YARS2: variants seen among roughly 807,000 people sequenced by gnomAD.
The protein encoded by YARS2 is tyrosyl-tRNA synthetase 2.
A neutral mutation model predicts 45.0 loss-of-function variants in YARS2; 38 were observed. The observed-to-expected ratio is 0.84, with a 90% CI of 0.65 to 1.11. YARS2 has a LOEUF of 1.11. YARS2 is among the 50% of genes least tolerant of loss of function. YARS2 has a pLI of 0.00. For synonymous variants in YARS2, 287 were observed against 245.1 expected, an observed-to-expected ratio of 1.17 and a Z score of -1.60; for missense variants, 602 against 599.8, an observed-to-expected ratio of 1.00 and a Z score of -0.04.
chr12:32,754,335 G>C (rs1198210675), intron 1 of YARS2, among the ~76,000 whole-genome samples: 2 of 152,178 alleles, frequency 1.3e-5, no homozygotes, highest in African/African-American at 4.8e-5. Context: ...TAGAGATTTT[G>C]AAAGGCTGAG....
Position 32,755,553 on chromosome 12 carries a change from C to A in YARS2, c.322G>T (p.Val108Leu). ...LFHLQRAGHN[V>L]IALVGGATAR... Reference sequence around the variant, plus strand: ...GTGGCGCCTCCCACCAGCGCGATCACGTTGTGGCCCGCTCGCTGCAAATGA... The same window carrying A: ...GTGGCGCCTCCCACCAGCGCGATCAAGTTGTGGCCCGCTCGCTGCAAATGA... The change falls in exon 1 of 5, where the codon GTG (valine) becomes TTG (leucine). Residue 108 changes from valine (V) to leucine (L), a missense_variant. Transcript: ENST00000324868. 1.2e-6 allele frequency: 2 copies of A among 1,613,694 alleles called. No individual in the cohort carries two copies. The highest frequency in any genetic ancestry group is 8.5e-7 in the Non-Finnish European group (1 of 1,179,878).
chr12:32,753,455 A>G (rs1003593448), intron 2 of YARS2, among the ~76,000 whole-genome samples: 9 of 152,144 alleles, frequency 5.9e-5, no homozygotes, highest in Non-Finnish European at 1.2e-4. Context: ...GCATCAAAAT[A>G]TTTTTTTCAC....
In YARS2 at chr12:32,755,892, G is replaced by A. The variant is rs1955839112; in HGVS notation, c.-18C>T. On this transcript the variant is annotated 5_prime_UTR_variant, in exon 1 of 5. Coordinates refer to ENST00000324868, the MANE Select transcript of YARS2 (RefSeq NM_001040436.3). ...GCCGCCATCTTGGTAGCGGCACGAA[G>A]GGAATGCTGGGATTGCAGAGGCTCC... is the stretch of plus-strand genomic sequence containing the variant. 2.5e-6 allele frequency: 4 copies of A among 1,612,182 alleles called. No homozygotes were observed. The highest frequency in any genetic ancestry group is 2.5e-6 in the Non-Finnish European group (3 of 1,179,890).
chr12:32,749,972 G>C lies in YARS2; in HGVS notation c.1239C>G (p.Cys413Trp). 1.9e-6 allele frequency: 3 copies of C among 1,614,090 alleles called. No homozygotes were observed. The highest frequency in any genetic ancestry group is 2.5e-6 in the Non-Finnish European group (3 of 1,180,006). ...CATCTGGAATGGCATTTGCTTTGCGGCAAGTATCTAGGACACTTGTTCCAG... is the reference window on the plus strand; with the variant it reads ...CATCTGGAATGGCATTTGCTTTGCGCCAAGTATCTAGGACACTTGTTCCAG... ...LDPGTSVLDT[C>W]RKANAIPDGP... The change falls in exon 4 of 5, where the codon TGC becomes TGG. Residue 413 changes from cysteine (C) to tryptophan (W), a missense_variant. Coordinates refer to ENST00000324868, the MANE Select transcript of YARS2 (RefSeq NM_001040436.3).
In YARS2 at chr12:32,750,108, C is replaced by T. The variant is rs994538891; in HGVS notation, c.1104-1G>A. 9 of 1,613,970 alleles carry T rather than the reference C, an allele frequency of 5.6e-6. No individual in the cohort carries two copies. The highest frequency in any genetic ancestry group is 7.6e-6 in the Non-Finnish European group (9 of 1,179,976). On this transcript the variant is annotated splice_acceptor_variant, in intron 3 of 4. Coordinates refer to ENST00000324868, the MANE Select transcript of YARS2 (RefSeq NM_001040436.3). LOFTEE classifies it high-confidence loss of function. ...ACTGTGATAAAGGGCTTGTGTACAC[C>T]TGAAAAACACATTTTAAGAGCTACA...
chr12:32,754,132 G>A, intron 1 of YARS2, 47 bp from the exon 2 acceptor site: 1 of 1,608,870 alleles, frequency 6.2e-7, no homozygotes, highest in African/African-American at 1.3e-5. Context: ...CACAAGTGGT[G>A]GTAGGTTCTA....
At position 32,746,547 on chromosome 12, in the gene YARS2, G is replaced by C. The variant is rs1395176830; in HGVS notation, c.*657C>G. ...TCCTTTTTTTTTTTTTTTTTTTTGA[G>C]ACAGAGTTTCACTCACTACTCATGC... On this transcript the variant is annotated 3_prime_UTR_variant, in exon 5 of 5. Coordinates refer to ENST00000324868, the MANE Select transcript of YARS2 (RefSeq NM_001040436.3). 1 of 128,974 alleles carries C rather than the reference G, an allele frequency of 7.8e-6. No individual in the cohort carries two copies. Among genetic ancestry groups the C allele is most frequent in the Middle Eastern group, 4.3e-3 (1 of 234 alleles). 8.0% of individuals were successfully genotyped at this position (128,974 alleles called of 1,614,324 possible).
intron 3 of YARS2, 139 bp from the exon 4 acceptor site, chr12:32,750,246 G>A (rs956164426): frequency 2.0e-6 from 2 of 1,004,002 alleles, no homozygotes; most frequent in East Asian, 2.7e-5. Flanking sequence ...CTGTTGCCCC[G>A]GCTGGATTGC....
chr12:32,754,967 C>A (rs76325735), intron 1 of YARS2, 129 bp downstream of exon 1: 33 of 1,182,628 alleles, frequency 2.8e-5, no homozygotes, highest in Non-Finnish European at 3.4e-5. Context: ...CATTATAGAG[C>A]CTTAATGGGG....
At position 32,749,877 on chromosome 12, in the gene YARS2, T is replaced by C. The variant is rs1955705321; in HGVS notation, c.1274+60A>G. ...CAGGCATGAGCCACTTCTCCTGGCC[T>C]TGTGAACTGTAACATTTAATGGTGA... is the stretch of plus-strand genomic sequence containing the variant. On this transcript the variant is annotated intron_variant, in intron 4 of 4. Transcript: ENST00000324868. The C allele has an allele frequency of 7.5e-6, 12 of 1,601,942 alleles. No homozygotes were observed. In the South Asian group the frequency reaches 1.3e-4, roughly 18 times the overall value.
intron 1 of YARS2, 90 bp downstream of exon 1, chr12:32,755,006 G>A (rs1955819940): frequency 1.3e-6 from 2 of 1,535,334 alleles, no homozygotes; most frequent in Admixed American, 1.7e-5. Flanking sequence ...GGAACGAAGG[G>A]CAGCAACTAC....
chr12:32,752,470 C>G (rs1166214304), intron 2 of YARS2, among the ~76,000 whole-genome samples: 1 of 152,068 alleles, frequency 6.6e-6, no homozygotes, highest in African/African-American at 2.4e-5. Context: ...TCTAAATTCT[C>G]TAGGCCGGGT....
intron 2 of YARS2, among the ~76,000 whole-genome samples, chr12:32,752,455 G>C (rs1378389512): frequency 2.0e-5 from 3 of 151,998 alleles, no homozygotes; most frequent in Non-Finnish European, 2.9e-5. Context: ...TTTTTGAAAA[G>C]ATTATCTAAA....
chr12:32,747,874 G>A (rs754654042), intron 4 of YARS2, among the ~76,000 whole-genome samples: 5 of 151,846 alleles, frequency 3.3e-5, no homozygotes, highest in Non-Finnish European at 7.4e-5. Flanking sequence ...TAAAGACTCC[G>A]TCTCAAGAAA....
rs1565557401 is a variant in YARS2, at chr12:32,749,923, T to A, written c.1274+14A>T. The stretch of plus-strand genomic sequence containing the variant: ...GGTGAATTAACTGTAAATCTAAAAG[T>A]TAAATAATCTTACCCTCGGGGACCA... On this transcript the variant is annotated intron_variant, in intron 4 of 4. Coordinates refer to ENST00000324868, the MANE Select transcript of YARS2 (RefSeq NM_001040436.3). The A allele has an allele frequency of 6.2e-7, 1 of 1,613,908 alleles. No homozygotes were observed. Among genetic ancestry groups the A allele is most frequent in the Non-Finnish European group, 8.5e-7 (1 of 1,179,938 alleles).
chr12:32,755,821 T>G lies in YARS2; in HGVS notation c.54A>C (p.Leu18=), dbSNP rs765542594. Residue 18 remains leucine (L), a synonymous_variant, in exon 1 of 5, where the codon CTA becomes CTC. Coordinates refer to ENST00000324868, the MANE Select transcript of YARS2 (RefSeq NM_001040436.3). ...CCAAGGGCAACAATACTGAGAGATT[T>G]AGGGTACCAGACCACCGGCCCCAGG... ...SFSWGRWSGT[L]NLSVLLPLGL... The G allele has an allele frequency of 3.7e-6, 6 of 1,613,348 alleles. No homozygotes were observed. Among genetic ancestry groups the G allele is most frequent in the Non-Finnish European group, 4.2e-6 (5 of 1,180,026 alleles).
At position 32,752,906 on chromosome 12, in the gene YARS2, T is replaced by G. The variant is rs78420301; in HGVS notation, c.947+1012A>C. The G allele has an allele frequency of 4.7e-3, 1,319 of 281,184 alleles. 2 individuals are homozygous for G. Among genetic ancestry groups the G allele is most frequent in the Non-Finnish European group, 6.1e-3 (834 of 137,468 alleles). The allele number at this position is 281,184 out of a possible 1,614,324, so 17.4% of individuals were successfully genotyped here. On this transcript the variant is annotated intron_variant, in intron 2 of 4. Transcript: ENST00000324868. ...TTCCACTCTGTTCTTCAAAAACATC[T>G]TGGCCAATCTTAGCCCTTTTTATTT... is the stretch of plus-strand genomic sequence containing the variant.
rs1955822730 is a variant in YARS2, at chr12:32,755,112, A to T, written c.763T>A (p.Tyr255Asn). 6.2e-7 allele frequency: 1 copy of T among 1,614,096 alleles called. No individual in the cohort carries two copies. The highest frequency in any genetic ancestry group is 8.5e-7 in the Non-Finnish European group (1 of 1,180,048). ...GGCACTTACTTGTTGATGAACTCATATCCGGACATGATGTTGCCTAGTTGA... is the reference window on the plus strand; with the variant it reads ...GGCACTTACTTGTTGATGAACTCATTTCCGGACATGATGTTGCCTAGTTGA... The part of the protein sequence containing the change: ...SDQLGNIMSG[Y>N]EFINKLTGED... The change falls in exon 1 of 5, where the codon TAT becomes AAT. Residue 255 changes from tyrosine (Y) to asparagine (N), a missense_variant. Tyr to Asn is a moderately radical substitution (Grantham distance 143). Coordinates refer to ENST00000324868, the MANE Select transcript of YARS2 (RefSeq NM_001040436.3).
At chr12:32,747,670 T>C (rs1270937538) in intron 4 of YARS2, among the ~76,000 whole-genome samples, 1 of 152,210 alleles carries the variant, frequency 6.6e-6, no homozygotes, top group Non-Finnish European at 1.5e-5. Flanking sequence ...CCAGAGTAGC[T>C]GCGATTACAG....
Sources: allele counts gnomAD v4.1 joint callset (sites outside exome capture counted in the v4.1 genomes callset), GRCh38; gene constraint gnomAD v4.1.1; transcripts MANE v1.5; gene names NCBI Gene and HGNC (gene_info 2026-07-23, HGNC 2026-07-21).